Variants in RYR2 observed in about 807,000 individuals in gnomAD.
The protein encoded by RYR2 is ryanodine receptor 2.
Under a neutral mutation model 601.1 loss-of-function variants are expected in RYR2, and 227 were observed. The ratio of observed to expected loss-of-function variants is 0.38; its 90% CI spans 0.34 to 0.42. The LOEUF is 0.42. Ranked by LOEUF, RYR2 falls within the 10% of genes least tolerant of loss-of-function variation. RYR2 has a pLI of 1.00. For missense variants in RYR2, 4,646 were observed against 6,156.5 expected (o/e 0.75, Z 8.21); for synonymous variants, 2,223 against 2,175.1 (o/e 1.02, Z -0.61).
intron 1 of RYR2, among the ~76,000 whole-genome samples, chr1:237,067,123 T>C (rs1022876939): frequency 1.3e-4 from 20 of 152,048 alleles, no homozygotes; most frequent in African/African-American, 4.8e-4. Flanking sequence ...CAACAGTCTT[T>C]CAAAAAAACA....
At chr1:237,167,708 CTTTTTTTTTTTT>C (rs11288225) in intron 1 of RYR2, among the ~76,000 whole-genome samples, 1 of 101,112 alleles carries the variant, frequency 9.9e-6, no homozygotes, top group Non-Finnish European at 1.9e-5. Context: ...GATCCACCTC[CTTTTTTTTTTTT>C]TTTTTTTTTT....
rs1160412940 is a variant in RYR2, at chr1:237,470,081, CCTTT to C, written c.1708+899_1708+902del. On this transcript the variant is annotated intron_variant, in intron 17 of 104. Coordinates refer to ENST00000366574, the MANE Select transcript of RYR2 (RefSeq NM_001035.3). The stretch of plus-strand genomic sequence containing the variant: ...TGTTTGCACAGTATTTCATTATTTG[CCTTT>C]CTTTATCACTAATGCCCTCTTATGT... Among the ~76,000 whole-genome samples the C allele has an allele frequency of 2.0e-5, 3 of 152,134 alleles. No homozygotes were observed. The East Asian group carries it at 5.8e-4, about 29-fold the overall frequency.
At chr1:237,273,930 ATATATTATATATT>A (rs1273037482) in intron 2 of RYR2, among the ~76,000 whole-genome samples, 9 of 146,508 alleles carry the variant, frequency 6.1e-5, no homozygotes, top group Middle Eastern at 3.6e-3. Context: ...ATTATAAAAT[ATATATTATATATT>A]TATATTATAT....
chr1:237,502,345 AT>A (rs1279047262), intron 21 of RYR2, among the ~76,000 whole-genome samples: 1 of 152,178 alleles, frequency 6.6e-6, no homozygotes. Flanking sequence ...CGTTGTTGAG[AT>A]TGATAAACAA....
Position 237,140,820 on chromosome 1 carries a change from A to G in RYR2, c.48+98251A>G, listed in dbSNP as rs561773401. ...AGTATCTGCATAAAGTCCATCTATA[A>G]TACAATGACCTGGCCTCACCTTACC... is the stretch of plus-strand genomic sequence containing the variant. On this transcript the variant is annotated intron_variant, in intron 1 of 104. Coordinates refer to ENST00000366574, the MANE Select transcript of RYR2 (RefSeq NM_001035.3). Among the ~76,000 whole-genome samples, 12 of 152,312 alleles carry G rather than the reference A, an allele frequency of 7.9e-5. No homozygotes were observed. The East Asian group carries it at 2.3e-3, about 29-fold the overall frequency.
At chr1:237,283,793 C>G (rs1175369217) in intron 2 of RYR2, among the ~76,000 whole-genome samples, 1 of 152,154 alleles carries the variant, frequency 6.6e-6, no homozygotes, top group Non-Finnish European at 1.5e-5. Flanking sequence ...ATTTAATTTA[C>G]TACTTGGTAT....
At chr1:237,446,126 T>G (rs919815251) in intron 14 of RYR2, among the ~76,000 whole-genome samples, 2 of 152,198 alleles carry the variant, frequency 1.3e-5, no homozygotes, top group African/African-American at 4.8e-5. Context: ...AGTTCCTTTT[T>G]CAATGAGGGC....
chr1:237,570,338 AT>A (rs202206483), intron 29 of RYR2, among the ~76,000 whole-genome samples: 1,488 of 142,874 alleles, frequency 0.01, 14 homozygotes, highest in African/African-American at 0.019. Context: ...GTTAGTTTGA[AT>A]TTTTTTTTTT....
At chr1:237,631,880 G>A (rs1307656673) in intron 42 of RYR2, among the ~76,000 whole-genome samples, 1 of 50,144 alleles carries the variant, frequency 2.0e-5, no homozygotes, top group Non-Finnish European at 4.0e-5. Flanking sequence ...CGCCCGCCTT[G>A]GCCTCCCCTC....
chr1:237,693,463 C>T (rs1687125290), intron 63 of RYR2, among the ~76,000 whole-genome samples: 1 of 152,102 alleles, frequency 6.6e-6, no homozygotes, highest in South Asian at 2.1e-4. Flanking sequence ...GACCTGGACA[C>T]TCCTCAGAGT....
At chr1:237,122,733 C>G (rs1367605657) in intron 1 of RYR2, among the ~76,000 whole-genome samples, 1 of 152,040 alleles carries the variant, frequency 6.6e-6, no homozygotes, top group Non-Finnish European at 1.5e-5. Context: ...ACTCTATGAT[C>G]CTAAGTAAAA....
chr1:237,540,008 GT>G (rs889984369), intron 25 of RYR2, among the ~76,000 whole-genome samples: 27 of 152,056 alleles, frequency 1.8e-4, no homozygotes, highest in Admixed American at 5.9e-4. Context: ...ATTCGTTGTA[GT>G]TTTTTTCTTT....
At position 237,084,203 on chromosome 1, in the gene RYR2, C is replaced by A. The variant is rs1179054098; in HGVS notation, c.48+41634C>A. 2.0e-5 allele frequency among the ~76,000 whole-genome samples: 3 copies of A among 152,224 alleles called. No homozygotes were observed. In the South Asian group the frequency reaches 6.2e-4, roughly 31 times the overall value. On this transcript the variant is annotated intron_variant, in intron 1 of 104. Transcript: ENST00000366574. The stretch of plus-strand genomic sequence containing the variant: ...TACCCCAGTGCCTCATACCCATTTT[C>A]ACCTGGATGCTCATGGTATTTCAAA...
intron 1 of RYR2, among the ~76,000 whole-genome samples, chr1:237,109,252 T>C (rs1318881285): frequency 6.6e-6 from 1 of 151,788 alleles, no homozygotes; most frequent in Non-Finnish European, 1.5e-5. Flanking sequence ...CAGTCATAGG[T>C]TGCAAAGAAA....
In RYR2 at chr1:237,832,676, A is replaced by T. The variant is rs776454498; in HGVS notation, c.*29A>T. The T allele has an allele frequency of 7.5e-7, 1 of 1,338,078 alleles. No homozygotes were observed. Among genetic ancestry groups the T allele is most frequent in the Non-Finnish European group, 1.1e-6 (1 of 933,668 alleles). 82.9% of individuals were successfully genotyped at this position (1,338,078 alleles called of 1,614,324 possible). ...CAGACCCAATCACCTCTAAAAACCA[A>T]AACCCTACCCCTCTCTCTCCCTCTC... On this transcript the variant is annotated 3_prime_UTR_variant, in exon 105 of 105. Transcript: ENST00000366574.
At chr1:237,175,832 A>G (rs542806628) in intron 1 of RYR2, among the ~76,000 whole-genome samples, 1 of 152,172 alleles carries the variant, frequency 6.6e-6, no homozygotes, top group East Asian at 1.9e-4. Flanking sequence ...TCCTGTCTCA[A>G]CAGTTGCAAT....
chr1:237,246,622 G>A (rs1220328354), intron 1 of RYR2, among the ~76,000 whole-genome samples: 4 of 152,110 alleles, frequency 2.6e-5, no homozygotes, highest in Admixed American at 2.6e-4. Flanking sequence ...CTTTTTTAGA[G>A]AGGTATATTC....
chr1:237,518,243 T>G (rs1666751252), intron 24 of RYR2, among the ~76,000 whole-genome samples: 1 of 146,068 alleles, frequency 6.8e-6, no homozygotes, highest in African/African-American at 2.4e-5. Flanking sequence ...AGATACTCTC[T>G]TTTCTATTGT....
chr1:237,365,426 G>A (rs968497768), intron 5 of RYR2, among the ~76,000 whole-genome samples: 6 of 152,162 alleles, frequency 3.9e-5, no homozygotes, highest in Admixed American at 3.3e-4. Context: ...TTTTGGATGG[G>A]ATGACAGAAC....
Sources: allele counts gnomAD v4.1 joint callset (sites outside exome capture counted in the v4.1 genomes callset), GRCh38; gene constraint gnomAD v4.1.1; transcripts MANE v1.5; gene names NCBI Gene and HGNC (gene_info 2026-07-23, HGNC 2026-07-21).